The following PCYT1B variants were observed in gnomAD, a reference collection of about 807,000 sequenced individuals.
The protein encoded by PCYT1B is phosphate cytidylyltransferase 1B, choline, also known as choline-phosphate cytidylyltransferase B.
In PCYT1B, 10 loss-of-function variants were observed where a neutral mutation model predicts 26.4. The observed-to-expected ratio is 0.38, with a 90% CI of 0.23 to 0.64. PCYT1B has a LOEUF of 0.64. PCYT1B is among the 30% of genes least tolerant of loss of function. The pLI is 0.56. For synonymous variants in PCYT1B, 131 were observed against 108.4 expected, an observed-to-expected ratio of 1.21 and a Z score of -1.29; for missense variants, 161 against 292.7, an observed-to-expected ratio of 0.55 and a Z score of 3.28.
At chrX:24,594,018 C>T (rs940858704) in intron 3 of PCYT1B, among the ~76,000 whole-genome samples, 2 of 111,280 alleles carry the variant, frequency 1.8e-5, no homozygotes, top group African/African-American at 6.5e-5. Flanking sequence ...TCAGAATCAC[C>T]CAAGGAGCTT....
chrX:24,595,856 G>A (rs1924759524), intron 3 of PCYT1B, among the ~76,000 whole-genome samples: 1 of 106,462 alleles, frequency 9.4e-6, no homozygotes, highest in Admixed American at 1.0e-4. Flanking sequence ...ACTTCAGTCT[G>A]GGCGAGAGAG....
At position 24,558,399 on chromosome X, in the gene PCYT1B, C is replaced by T. The variant is rs1005382255; in HGVS notation, c.*3894G>A. 9.0e-6 allele frequency: 1 copy of T among 110,801 alleles called. No homozygotes were observed. Among genetic ancestry groups the T allele is most frequent in the African/African-American group, 3.3e-5 (1 of 30,326 alleles). The allele number at this position is 110,801 out of a possible 1,213,427, so 9.1% of individuals were successfully genotyped here. A position where few individuals can be genotyped will look rare whatever the true frequency, so the allele number is the denominator to read the frequency against. ...GTCTAGAGAGGAGAAGTTGCAAATG[C>T]CTCATGAGCTATTTCTTTTTTAAAA... On this transcript the variant is annotated 3_prime_UTR_variant, in exon 8 of 8. Coordinates refer to ENST00000379144, the MANE Select transcript of PCYT1B (RefSeq NM_004845.5).
chrX:24,635,282 G>C (rs1926236658), intron 1 of PCYT1B, among the ~76,000 whole-genome samples: 1 of 111,744 alleles, frequency 8.9e-6, no homozygotes, highest in South Asian at 3.7e-4. Context: ...AAAACTAGCT[G>C]CTCTAATGTG....
At chrX:24,587,626 G>A (rs1275111672) in intron 4 of PCYT1B, among the ~76,000 whole-genome samples, 1 of 111,833 alleles carries the variant, frequency 8.9e-6, no homozygotes, top group African/African-American at 3.3e-5. Flanking sequence ...CTCCTTGAGA[G>A]AACTCATTAA....
intron 1 of PCYT1B, among the ~76,000 whole-genome samples, chrX:24,623,236 CA>C (rs1377401800): frequency 9.2e-6 from 1 of 109,222 alleles, no homozygotes; most frequent in Non-Finnish European, 1.9e-5. Flanking sequence ...TGGGGAAAAC[CA>C]CTACTCTTTT....
intron 2 of PCYT1B, among the ~76,000 whole-genome samples, chrX:24,611,837 G>A (rs997552270): frequency 1.8e-5 from 2 of 110,502 alleles, no homozygotes; most frequent in Admixed American, 1.9e-4. Flanking sequence ...GCCTGGCGTG[G>A]TGGCGGACGC....
At chrX:24,662,567 C>T (rs764865727) in intron 1 of PCYT1B, among the ~76,000 whole-genome samples, 1 of 112,140 alleles carries the variant, frequency 8.9e-6, no homozygotes, top group African/African-American at 3.2e-5. Context: ...CCTCCTGGAA[C>T]AAGCTCTCCT....
At chrX:24,582,113 TG>T (rs1924225627) in intron 5 of PCYT1B, among the ~76,000 whole-genome samples, 1 of 112,496 alleles carries the variant, frequency 8.9e-6, no homozygotes, top group Non-Finnish European at 1.9e-5. Flanking sequence ...CTCTGGTGGG[TG>T]GGGGAACCCT....
chrX:24,635,340 A>G (rs1048422987), intron 1 of PCYT1B, among the ~76,000 whole-genome samples: 3 of 112,351 alleles, frequency 2.7e-5, no homozygotes, highest in Non-Finnish European at 5.6e-5. Flanking sequence ...TTTGTCAGCA[A>G]ATATATTTAG....
chrX:24,668,880 G>C (rs977664090), intron 1 of PCYT1B, among the ~76,000 whole-genome samples: 10 of 111,010 alleles, frequency 9.0e-5, no homozygotes, highest in African/African-American at 3.3e-4. Context: ...CATATCAATT[G>C]CTTGCATCTA....
At position 24,647,111 on chromosome X, in the gene PCYT1B, G is replaced by C; in HGVS notation, c.-6C>G. 2 of 1,204,489 alleles carry C rather than the reference G, an allele frequency of 1.7e-6. No individual in the cohort carries two copies. The highest frequency in any genetic ancestry group is 4.4e-5 in the Admixed American group (2 of 45,661). The stretch of plus-strand genomic sequence containing the variant: ...TCAGTGGTAACTACTGGCATGGCCA[G>C]TGAATGCTCCCTCTAGCTCTACACC... On this transcript the variant is annotated 5_prime_UTR_variant, in exon 1 of 8. Coordinates refer to ENST00000379144, the MANE Select transcript of PCYT1B (RefSeq NM_004845.5).
At chrX:24,668,699 T>A (rs1372718123) in intron 1 of PCYT1B, among the ~76,000 whole-genome samples, 1 of 108,183 alleles carries the variant, frequency 9.2e-6, no homozygotes, top group African/African-American at 3.4e-5. Context: ...GGAGGAAGGT[T>A]CCTTCCTCCT....
chrX:24,578,623 G>T (rs1394504747), intron 6 of PCYT1B, among the ~76,000 whole-genome samples: 2 of 112,049 alleles, frequency 1.8e-5, no homozygotes, highest in Admixed American at 1.9e-4. Flanking sequence ...GGCCATTAAG[G>T]TTTCTAATGA....
At chrX:24,638,007 G>C (rs551303635) in intron 1 of PCYT1B, among the ~76,000 whole-genome samples, 6 of 111,184 alleles carry the variant, frequency 5.4e-5, no homozygotes, top group South Asian at 3.9e-4. Context: ...AAACACAGAA[G>C]CCTGCATGTA....
chrX:24,563,121 G>A (rs1394805499), intron 7 of PCYT1B, among the ~76,000 whole-genome samples: 1 of 111,366 alleles, frequency 9.0e-6, no homozygotes, highest in East Asian at 2.8e-4. Context: ...AAGTAGTCAT[G>A]ACCTACGGAC....
chrX:24,626,433 A>C (rs1192795549), intron 1 of PCYT1B, among the ~76,000 whole-genome samples: 1 of 112,041 alleles, frequency 8.9e-6, no homozygotes, highest in Non-Finnish European at 1.9e-5. Flanking sequence ...TTTTGAGAGA[A>C]GAGATGAAGA....
intron 1 of PCYT1B, among the ~76,000 whole-genome samples, chrX:24,669,348 C>A (rs1028449957): frequency 1.8e-5 from 2 of 108,994 alleles, no homozygotes; most frequent in South Asian, 8.1e-4. Context: ...GAAACCCCGT[C>A]TCTACTAAAA....
At position 24,562,071 on chromosome X, in the gene PCYT1B, T is replaced by C. The variant is rs2148215674; in HGVS notation, c.*222A>G. 1.0e-5 allele frequency: 12 copies of C among 1,205,921 alleles called. No homozygotes were observed. The highest frequency in any genetic ancestry group is 1.3e-5 in the Non-Finnish European group (12 of 890,410). ...GAGTGACTCTAGACGCTAAGGTTTG[T>C]GTAGGTTGTCCAGCTAGAAGTCTCT... On this transcript the variant is annotated 3_prime_UTR_variant, in exon 8 of 8. Coordinates refer to ENST00000379144, the MANE Select transcript of PCYT1B (RefSeq NM_004845.5).
At chrX:24,590,686 C>T (rs1374152029) in intron 3 of PCYT1B, among the ~76,000 whole-genome samples, 1 of 110,729 alleles carries the variant, frequency 9.0e-6, no homozygotes, top group African/African-American at 3.3e-5. Flanking sequence ...TACTTCTGTT[C>T]CCTGGATTGA....
Sources: gnomAD v4.1 joint callset for allele counts (sites outside exome capture counted in the v4.1 genomes callset) on GRCh38, gnomAD v4.1.1 for gene constraint, MANE v1.5 for transcripts, NCBI Gene and HGNC (gene_info 2026-07-23, HGNC 2026-07-21) for gene names.